Variants in UBR1 observed in about 807,000 individuals in gnomAD.
The protein encoded by UBR1 is E3 ubiquitin-protein ligase UBR1.
Under a neutral mutation model 242.1 loss-of-function variants are expected in UBR1, and 102 were observed. The observed-to-expected ratio is 0.42, with a 90% CI of 0.36 to 0.50. The LOEUF (loss-of-function observed/expected upper bound fraction) is 0.50, where lower values mean the gene tolerates loss of function less well. Ranked by LOEUF, UBR1 falls within the 20% of genes least tolerant of loss-of-function variation. The probability of loss-of-function intolerance (pLI) is 0.01; values close to 1 mark genes in which losing one functional copy is unlikely to be tolerated. For synonymous variants in UBR1, 675 were observed against 684.8 expected, an observed-to-expected ratio of 0.99 and a Z score of 0.22; for missense variants, 1,772 against 2,101.8, an observed-to-expected ratio of 0.84 and a Z score of 3.07.
chr15:43,022,903 C>T (rs2033128547), intron 25 of UBR1, 102 bp from the exon 26 acceptor site: 2 of 716,592 alleles, frequency 2.8e-6, no homozygotes, highest in Non-Finnish European at 4.5e-6. Context: ...CACTCTGTCA[C>T]CCAGGTTGGA....
At chr15:43,036,385 A>T in intron 18 of UBR1, 106 bp from the exon 19 acceptor site, 1 of 1,208,018 alleles carries the variant, frequency 8.3e-7, no homozygotes. Context: ...ATAATGTAGT[A>T]GTCCCTTCTA....
chr15:43,028,328 A>G (rs2033203703), intron 21 of UBR1, among the ~76,000 whole-genome samples: 1 of 152,182 alleles, frequency 6.6e-6, no homozygotes, highest in Admixed American at 6.5e-5. Context: ...TCTTTTCCTT[A>G]AATAGGGAAC....
At chr15:43,028,977 C>A (rs565193556) in intron 21 of UBR1, among the ~76,000 whole-genome samples, 1 of 151,744 alleles carries the variant, frequency 6.6e-6, no homozygotes, top group Admixed American at 6.6e-5. Context: ...CCCAGCTACT[C>A]GGGAGGCTGA....
chr15:42,972,715 G>A (rs1481480711), intron 39 of UBR1, among the ~76,000 whole-genome samples: 2 of 152,082 alleles, frequency 1.3e-5, no homozygotes, highest in African/African-American at 2.4e-5. Context: ...TCCACTCTCT[G>A]GATATACTGT....
At chr15:43,073,049 T>C (rs2033842194) in intron 4 of UBR1, among the ~76,000 whole-genome samples, 1 of 152,012 alleles carries the variant, frequency 6.6e-6, no homozygotes, top group South Asian at 2.1e-4. Context: ...TAATCTCAGC[T>C]ACTCGGGAAG....
chr15:42,964,335 G>A (rs906632121), intron 41 of UBR1, among the ~76,000 whole-genome samples: 1 of 152,152 alleles, frequency 6.6e-6, no homozygotes, highest in African/African-American at 2.4e-5. Flanking sequence ...CAGGCGTGGT[G>A]GCACATGCCT....
In UBR1 at chr15:43,023,505, C is replaced by T. The variant is rs185042935; in HGVS notation, c.2740-704G>A. ...GCTTGGGAGGCTGAGGCAGGAGAAT[C>T]GCTTGAACCCAGAGGCGGAAGTTGC... On this transcript the variant is annotated intron_variant, in intron 25 of 46. Coordinates refer to ENST00000290650, the MANE Select transcript of UBR1 (RefSeq NM_174916.3). Among the ~76,000 whole-genome samples, 309 of 144,688 alleles carry T rather than the reference C, an allele frequency of 2.1e-3. 7 individuals carry two copies. The East Asian group carries it at 0.047, about 22-fold the overall frequency. The allele number at this position is 144,688 out of a possible 152,430, so 94.9% of individuals were successfully genotyped here. A position where few individuals can be genotyped will look rare whatever the true frequency, so the allele number is the denominator to read the frequency against.
At chr15:42,980,590 A>G in intron 37 of UBR1, among the ~76,000 whole-genome samples, 1 of 142,686 alleles carries the variant, frequency 7.0e-6, no homozygotes, top group Non-Finnish European at 1.5e-5. Flanking sequence ...CTATCTATCT[A>G]TCCATCCATC....
At chr15:43,060,255 T>C in intron 6 of UBR1, 141 bp from the exon 7 acceptor site, 2 of 819,576 alleles carry the variant, frequency 2.4e-6, no homozygotes, top group South Asian at 1.4e-5. Flanking sequence ...CGGAACAATA[T>C]CTGAAAGACA....
chr15:42,994,671 T>A (rs559061723), intron 33 of UBR1, among the ~76,000 whole-genome samples: 1 of 152,300 alleles, frequency 6.6e-6, no homozygotes, highest in East Asian at 1.9e-4. Flanking sequence ...GCAATATAGA[T>A]AAAATGCTTA....
chr15:43,066,072 A>AT (rs2033748902), intron 6 of UBR1, among the ~76,000 whole-genome samples: 2 of 151,700 alleles, frequency 1.3e-5, no homozygotes, highest in Non-Finnish European at 2.9e-5. Context: ...TACTGCCTAG[A>AT]TTTTTTTCTA....
intron 39 of UBR1, 41 bp downstream of exon 39, chr15:42,976,676 C>A (rs1297003193): frequency 6.2e-7 from 1 of 1,612,066 alleles, no homozygotes; most frequent in East Asian, 2.2e-5. Context: ...TAAAGCATGG[C>A]AAAATGTTAT....
intron 27 of UBR1, among the ~76,000 whole-genome samples, chr15:43,018,112 C>G (rs1021119164): frequency 2.0e-5 from 3 of 151,554 alleles, no homozygotes; most frequent in Non-Finnish European, 4.4e-5. Context: ...ATGCCATTCT[C>G]CTGCCTCAGC....
At chr15:43,021,014 C>T in intron 27 of UBR1, 1 of 377,678 alleles carries the variant, frequency 2.6e-6, no homozygotes, top group Non-Finnish European at 5.0e-6. Context: ...CTTGTTCCAT[C>T]TAGAAATCTA....
At chr15:43,057,576 TTAA>T (rs982134892) in intron 10 of UBR1, among the ~76,000 whole-genome samples, 5 of 152,204 alleles carry the variant, frequency 3.3e-5, no homozygotes, top group Non-Finnish European at 7.3e-5. Flanking sequence ...ACACGATAGA[TTAA>T]TAAAACATTA....
intron 35 of UBR1, chr15:42,988,563 T>C: frequency 2.2e-6 from 1 of 448,336 alleles, no homozygotes. Context: ...CTCCCAGGCA[T>C]AATCCACCGT....
At chr15:42,991,275 CA>C (rs755640484) in intron 33 of UBR1, among the ~76,000 whole-genome samples, 144 of 141,926 alleles carry the variant, frequency 1.0e-3, no homozygotes, top group Admixed American at 1.1e-3. Context: ...CACGCCATCT[CA>C]AAAAAAAAAA....
At chr15:42,972,848 A>T (rs1322740911) in intron 39 of UBR1, among the ~76,000 whole-genome samples, 1 of 152,194 alleles carries the variant, frequency 6.6e-6, no homozygotes, top group African/African-American at 2.4e-5. Flanking sequence ...TTTTTAATTC[A>T]TTTGGGTAAA....
At chr15:42,960,533 C>G in intron 43 of UBR1, 112 bp downstream of exon 43, 2 of 1,089,894 alleles carry the variant, frequency 1.8e-6, no homozygotes, top group Non-Finnish European at 2.8e-6. Context: ...ATCAGGAACA[C>G]TGTACTGAGT....
Sources: allele counts gnomAD v4.1 joint callset (sites outside exome capture counted in the v4.1 genomes callset), GRCh38; gene constraint gnomAD v4.1.1; transcripts MANE v1.5; gene names NCBI Gene and HGNC (gene_info 2026-07-23, HGNC 2026-07-21).